The following SBF2 variants were observed in gnomAD, a reference collection of about 807,000 sequenced individuals.
The protein encoded by SBF2 is myotubularin-related protein 13.
SBF2 carries 112 observed loss-of-function variants against 225.2 expected under a neutral mutation model. The ratio of observed to expected loss-of-function variants is 0.50; its 90% CI spans 0.43 to 0.58. SBF2 has a LOEUF of 0.58. Among genes scored for constraint, SBF2 ranks in the 20% least tolerant of loss-of-function variants. The probability of loss-of-function intolerance (pLI) is 0.00; values close to 1 mark genes in which losing one functional copy is unlikely to be tolerated. For missense variants in SBF2, 1,996 were observed against 2,206.2 expected (o/e 0.90, Z 1.91); for synonymous variants, 763 against 773.3 (o/e 0.99, Z 0.22).
intron 13 of SBF2, among the ~76,000 whole-genome samples, chr11:9,982,493 G>A (rs1235165327): frequency 6.6e-6 from 1 of 152,122 alleles, no homozygotes; most frequent in East Asian, 1.9e-4. Flanking sequence ...AACTATCACA[G>A]GAAGCTTTCT....
chr11:9,986,510 G>T lies in SBF2; in HGVS notation c.1395+2987C>A, dbSNP rs550563927. 1.7e-3 allele frequency among the ~76,000 whole-genome samples: 255 copies of T among 152,054 alleles called. 3 individuals are homozygous for T. The highest frequency in any genetic ancestry group is 5.8e-3 in the African/African-American group (239 of 41,502). On this transcript the variant is annotated intron_variant, in intron 13 of 39. Transcript: ENST00000256190. ...AAACAAAAAGCTGGTTCTTTGAAAA[G>T]ATAAATAAAATTGATAGACCATTAG...
rs149795633 is a variant in SBF2, at chr11:10,134,808, T to A, written c.141+59094A>T. The stretch of plus-strand genomic sequence containing the variant: ...CTCCCTCCTGGCTGCTTTCACGGGC[T>A]GCTGTTGAGTGTCTGTGGCTTTTCC... On this transcript the variant is annotated intron_variant, in intron 2 of 39. Coordinates refer to ENST00000256190, the MANE Select transcript of SBF2 (RefSeq NM_030962.4). Among the ~76,000 whole-genome samples, 1,056 of 152,286 alleles carry A rather than the reference T, an allele frequency of 6.9e-3. 10 individuals carry two copies. The highest frequency in any genetic ancestry group is 0.024 in the African/African-American group (1,000 of 41,550).
intron 1 of SBF2, among the ~76,000 whole-genome samples, chr11:10,202,202 C>A (rs528295645): frequency 2.0e-5 from 3 of 152,154 alleles, no homozygotes; most frequent in Non-Finnish European, 4.4e-5. Flanking sequence ...TATGGTTGTA[C>A]ATCAACATTT....
chr11:9,952,832 C>T (rs1040140536), intron 16 of SBF2, among the ~76,000 whole-genome samples: 1 of 152,170 alleles, frequency 6.6e-6, no homozygotes, highest in Non-Finnish European at 1.5e-5. Context: ...ATCAAAACCA[C>T]AATATGATAC....
Position 10,253,220 on chromosome 11 carries a change from T to C in SBF2, c.55+40795A>G, listed in dbSNP as rs374326155. 3.7e-3 allele frequency among the ~76,000 whole-genome samples: 556 copies of C among 149,930 alleles called. 5 individuals are homozygous for C. Among genetic ancestry groups the C allele is most frequent in the African/African-American group, 0.013 (538 of 40,690 alleles). ...GGAATTAGAGCGTAGTGTTAAGGAA[T>C]ACTAGTTTCTATAATATGCTTCTAC... On this transcript the variant is annotated intron_variant, in intron 1 of 39. Coordinates refer to ENST00000256190, the MANE Select transcript of SBF2 (RefSeq NM_030962.4).
intron 3 of SBF2, among the ~76,000 whole-genome samples, chr11:10,031,525 T>C (rs192086307): frequency 6.8e-4 from 104 of 152,288 alleles, no homozygotes; most frequent in Middle Eastern, 3.4e-3. Flanking sequence ...AGATGAAAAG[T>C]TAAAAAATGA....
intron 7 of SBF2, among the ~76,000 whole-genome samples, chr11:10,001,514 T>C (rs963089815): frequency 2.4e-4 from 36 of 151,998 alleles, no homozygotes; most frequent in African/African-American, 8.5e-4. Flanking sequence ...GAAAAGCACC[T>C]AAATTAAAAA....
At chr11:10,256,014 G>A (rs1479059513) in intron 1 of SBF2, among the ~76,000 whole-genome samples, 3 of 152,130 alleles carry the variant, frequency 2.0e-5, no homozygotes, top group Non-Finnish European at 4.4e-5. Flanking sequence ...TTTACTTACA[G>A]GGTGTATTAC....
chr11:9,788,619 G>T (rs541230221), intron 35 of SBF2, among the ~76,000 whole-genome samples: 2 of 148,362 alleles, frequency 1.3e-5, no homozygotes, highest in African/African-American at 2.5e-5. Context: ...TACTGAGACG[G>T]AGTCTTGCTC....
At chr11:10,194,439 G>GT (rs1412087433) in intron 1 of SBF2, among the ~76,000 whole-genome samples, 1 of 152,074 alleles carries the variant, frequency 6.6e-6, no homozygotes, top group Non-Finnish European at 1.5e-5. Context: ...TTTAGTATCC[G>GT]TGAGGGTTCT....
chr11:10,196,866 A>ATATATATATATATTTTTTTTTTTTT, intron 1 of SBF2, among the ~76,000 whole-genome samples: 6 of 99,304 alleles, frequency 6.0e-5, no homozygotes, highest in Non-Finnish European at 1.2e-4. Flanking sequence ...ATATATATAT[A>ATATATATATATATTTTTTTTTTTTT]TTTTTTTTTT....
chr11:9,990,442 C>A lies in SBF2; in HGVS notation c.1297-847G>T, dbSNP rs150250009. Among the ~76,000 whole-genome samples the A allele has an allele frequency of 6.7e-4, 102 of 152,300 alleles. 2 individuals carry two copies. In the East Asian group the frequency reaches 0.019, roughly 28 times the overall value. ...CCCCATTGTGGTAGGCTGCCTCAGG[C>A]TAAGTGAAAACAAGGATCACTTTCC... On this transcript the variant is annotated intron_variant, in intron 12 of 39. Transcript: ENST00000256190.
chr11:9,828,804 TA>T, intron 28 of SBF2, among the ~76,000 whole-genome samples: 1 of 152,354 alleles, frequency 6.6e-6, no homozygotes, highest in East Asian at 1.9e-4. Context: ...TTCCATGTCA[TA>T]AGAATATTTT....
intron 17 of SBF2, among the ~76,000 whole-genome samples, chr11:9,881,529 T>C (rs79636735): frequency 0.026 from 3,968 of 152,214 alleles, 141 homozygotes; most frequent in East Asian, 0.19. Context: ...ACTGTCCAGA[T>C]ACTTTTCCCC....
intron 2 of SBF2, among the ~76,000 whole-genome samples, chr11:10,187,852 C>A (rs987466826): frequency 5.3e-5 from 8 of 152,188 alleles, no homozygotes. Flanking sequence ...AAATTAACTT[C>A]AACTTTGTGA....
chr11:9,833,813 C>T (rs76592790), intron 26 of SBF2, among the ~76,000 whole-genome samples: 96 of 150,116 alleles, frequency 6.4e-4, no homozygotes, highest in Non-Finnish European at 1.2e-3. Context: ...CACTGTTGCC[C>T]AGGCTGGAGT....
chr11:9,805,868 A>G (rs917243947), intron 32 of SBF2, among the ~76,000 whole-genome samples: 9 of 152,202 alleles, frequency 5.9e-5, no homozygotes, highest in East Asian at 3.9e-4. Flanking sequence ...TGATCCACCC[A>G]CCTTGGCCTC....
chr11:10,230,964 G>A (rs189586472), intron 1 of SBF2, among the ~76,000 whole-genome samples: 14 of 152,134 alleles, frequency 9.2e-5, no homozygotes, highest in Admixed American at 5.9e-4. Flanking sequence ...ACATAGATTT[G>A]GTCTTTTCAC....
intron 2 of SBF2, among the ~76,000 whole-genome samples, chr11:10,100,908 G>A (rs999364562): frequency 6.6e-6 from 1 of 152,216 alleles, no homozygotes; most frequent in Admixed American, 6.5e-5. Context: ...TTAGTAGGAG[G>A]AGTCTTGGTT....
Sources: gnomAD v4.1 joint callset for allele counts (sites outside exome capture counted in the v4.1 genomes callset) on GRCh38, gnomAD v4.1.1 for gene constraint, MANE v1.5 for transcripts, NCBI Gene and HGNC (gene_info 2026-07-23, HGNC 2026-07-21) for gene names.